TSPAN15: variants seen among roughly 807,000 people sequenced by gnomAD.
TSPAN15 encodes the protein tetraspanin 15.
TSPAN15 carries 20 observed loss-of-function variants against 34.5 expected under a neutral mutation model. The observed-to-expected ratio is 0.58, with a 90% CI of 0.41 to 0.84. TSPAN15 has a LOEUF of 0.84. Among genes scored for constraint, TSPAN15 ranks in the 40% least tolerant of loss-of-function variants. TSPAN15 has a pLI of 0.00. For missense variants in TSPAN15, 313 were observed against 386.1 expected, an observed-to-expected ratio of 0.81 and a Z score of 1.59; for synonymous variants, 155 against 153.9, an observed-to-expected ratio of 1.01 and a Z score of -0.05.
intron 3 of TSPAN15, among the ~76,000 whole-genome samples, chr10:69,486,219 C>G (rs1005847543): frequency 6.6e-6 from 1 of 152,184 alleles, no homozygotes; most frequent in Non-Finnish European, 1.5e-5. Flanking sequence ...ACCCAGGGCT[C>G]CATCTTTCCT....
chr10:69,492,951 G>T (rs942814254), intron 3 of TSPAN15, among the ~76,000 whole-genome samples: 4 of 152,156 alleles, frequency 2.6e-5, no homozygotes, highest in African/African-American at 9.7e-5. Context: ...ACCTCCCCAC[G>T]TGTGGCCTTA....
the TSPAN15 span, among the ~76,000 whole-genome samples, chr10:69,529,696 AGTTTACTTTATTTCAATCATTTTTG>A: frequency 2.0e-5 from 3 of 147,040 alleles, 1 homozygote; most frequent in Admixed American, 2.1e-4. Flanking sequence ...TTTTTTTATT[AGTTTACTTTATTTCAATCATTTTTG>A]GGGAACAGGT....
chr10:69,506,325 T>C lies in TSPAN15; in HGVS notation c.735+85T>C. ...GTGCAGAGGGGAAGAGCGAAGAGGC[T>C]TTTTTCATAGAAGTCCAGGACTTGC... On this transcript the variant is annotated intron_variant, in intron 7 of 7. Coordinates refer to ENST00000373290, the MANE Select transcript of TSPAN15 (RefSeq NM_012339.5). This position sits in a 1 kb window ranked among gnomAD's most constrained non-coding sequence, Gnocchi z 4.7. 1 of 1,339,478 alleles carries C rather than the reference T, an allele frequency of 7.5e-7. No homozygotes were observed. Among genetic ancestry groups the C allele is most frequent in the East Asian group, 2.3e-5 (1 of 43,034 alleles). 83.0% of individuals were successfully genotyped at this position (1,339,478 alleles called of 1,614,324 possible).
the TSPAN15 span, among the ~76,000 whole-genome samples, chr10:69,544,997 A>G: frequency 6.6e-6 from 1 of 152,150 alleles, no homozygotes; most frequent in African/African-American, 2.4e-5. Context: ...CTAGCTCCGA[A>G]GAGAGCAAAT....
At chr10:69,492,679 C>T (rs1276251863) in intron 3 of TSPAN15, among the ~76,000 whole-genome samples, 2 of 152,188 alleles carry the variant, frequency 1.3e-5, no homozygotes, top group Admixed American at 6.5e-5. Context: ...TTTGGGGAGG[C>T]AGGCTGGGGC....
intron 1 of TSPAN15, among the ~76,000 whole-genome samples, chr10:69,467,300 C>T (rs1841405049): frequency 6.6e-6 from 1 of 152,136 alleles, no homozygotes; most frequent in South Asian, 2.1e-4. Flanking sequence ...GTTAGTGAAA[C>T]ATCTGGTTTG....
At chr10:69,512,093 A>G (rs764356111), downstream of TSPAN15, among the ~76,000 whole-genome samples, 7 of 152,330 alleles carry the variant, frequency 4.6e-5, no homozygotes, top group Middle Eastern at 3.4e-3. Flanking sequence ...TATAAAAAAA[A>G]ATGAAATGGA....
At chr10:69,455,042 A>G (rs75583483) in intron 1 of TSPAN15, among the ~76,000 whole-genome samples, 13,641 of 149,174 alleles carry the variant, frequency 0.091, 823 homozygotes, top group Non-Finnish European at 0.13. Flanking sequence ...GTGTGCCTGT[A>G]GTTTCAGCTA....
In TSPAN15 at chr10:69,472,263, G is replaced by A. The variant is rs115385882; in HGVS notation, c.97-11428G>A. Among the ~76,000 whole-genome samples, 951 of 152,204 alleles carry A rather than the reference G, an allele frequency of 6.2e-3. 10 individuals are homozygous for A. The highest frequency in any genetic ancestry group is 0.021 in the East Asian group (110 of 5,190). The stretch of plus-strand genomic sequence containing the variant: ...TGCTGTTCCTGTGGTACCTTCATGG[G>A]CATCTGGAACTCCTTATCCCTATTG... On this transcript the variant is annotated intron_variant, in intron 1 of 7. Coordinates refer to ENST00000373290, the MANE Select transcript of TSPAN15 (RefSeq NM_012339.5).
chr10:69,517,453 G>A, the TSPAN15 span, among the ~76,000 whole-genome samples: 5 of 152,244 alleles, frequency 3.3e-5, no homozygotes, highest in Admixed American at 6.5e-5. Context: ...TCCTGAGGCT[G>A]ACAAGGGCTC....
the TSPAN15 span, among the ~76,000 whole-genome samples, chr10:69,547,927 T>C: frequency 6.6e-6 from 1 of 152,212 alleles, no homozygotes. Flanking sequence ...CTAGCATTCA[T>C]CTAAAAATCT....
chr10:69,515,648 G>T, the TSPAN15 span, among the ~76,000 whole-genome samples: 1 of 152,204 alleles, frequency 6.6e-6, no homozygotes, highest in African/African-American at 2.4e-5. Flanking sequence ...GGCCTGAGAA[G>T]CACCTGGAAA....
intron 4 of TSPAN15, among the ~76,000 whole-genome samples, chr10:69,496,089 C>G (rs1773835814): frequency 6.6e-6 from 1 of 152,100 alleles, no homozygotes; most frequent in Non-Finnish European, 1.5e-5. Context: ...AGTAACCTAC[C>G]CCAGTCCAAA....
the TSPAN15 span, among the ~76,000 whole-genome samples, chr10:69,524,810 C>T: frequency 6.9e-6 from 1 of 144,472 alleles, no homozygotes; most frequent in Non-Finnish European, 1.5e-5. Flanking sequence ...GACGAAGTCT[C>T]GCTCTTGTCA....
intron 3 of TSPAN15, among the ~76,000 whole-genome samples, chr10:69,486,462 A>G (rs369211539): frequency 6.6e-6 from 1 of 151,526 alleles, no homozygotes; most frequent in Non-Finnish European, 1.5e-5. Flanking sequence ...TTTTTTTGAG[A>G]CAGGGTCTCA....
At position 69,507,664 on chromosome 10, in the gene TSPAN15, T is replaced by G. The variant is rs1303795556; in HGVS notation, c.*686T>G. On this transcript the variant is annotated 3_prime_UTR_variant, in exon 8 of 8. Transcript: ENST00000373290. ...CAATAAAAACATGTTTTTTTTTTTT[T>G]TTTTTTTTTGCCTTTCCTGTGTGCT... is the stretch of plus-strand genomic sequence containing the variant. 98 of 1,256,798 alleles carry G rather than the reference T, an allele frequency of 7.8e-5. 1 individual carries two copies. Among genetic ancestry groups the G allele is most frequent in the Middle Eastern group, 6.8e-4 (3 of 4,398 alleles). 77.9% of individuals were successfully genotyped at this position (1,256,798 alleles called of 1,614,324 possible).
At chr10:69,455,550 T>TC in intron 1 of TSPAN15, among the ~76,000 whole-genome samples, 2 of 128,630 alleles carry the variant, frequency 1.6e-5, no homozygotes, top group African/African-American at 5.6e-5. Flanking sequence ...TTCTTTCTTC[T>TC]CTCTCTCTCT....
chr10:69,506,810 C>T lies in TSPAN15; in HGVS notation c.736-19C>T. 1.3e-6 allele frequency: 2 copies of T among 1,561,902 alleles called. No homozygotes were observed. The highest frequency in any genetic ancestry group is 1.7e-6 in the Non-Finnish European group (2 of 1,152,570). On this transcript the variant is annotated intron_variant, in intron 7 of 7. Coordinates refer to ENST00000373290, the MANE Select transcript of TSPAN15 (RefSeq NM_012339.5). The surrounding 1 kb of genome is among the most constrained non-coding windows in gnomAD (Gnocchi z 4.7). ...CTGATTCCCAGCAGGCCCTCACCAG[C>T]CCTGCCCCTTCTTCTCAGTTCCTGG...
chr10:69,512,815 G>A, the TSPAN15 span, among the ~76,000 whole-genome samples: 2 of 152,134 alleles, frequency 1.3e-5, no homozygotes, highest in African/African-American at 4.8e-5. Flanking sequence ...GATACACCAT[G>A]GTTTATTTAT....
Sources: allele counts gnomAD v4.1 joint callset (sites outside exome capture counted in the v4.1 genomes callset), GRCh38; gene constraint gnomAD v4.1.1; non-coding constraint Gnocchi (gnomAD v3.1); transcripts MANE v1.5; gene names NCBI Gene and HGNC (gene_info 2026-07-23, HGNC 2026-07-21).